UTRN: variants seen among roughly 807,000 people sequenced by gnomAD.
The protein encoded by UTRN is utrophin.
A neutral mutation model predicts 463.9 loss-of-function variants in UTRN; 283 were observed. That is an observed-to-expected ratio of 0.61 (90% CI 0.55 to 0.67). The LOEUF is 0.67. UTRN is among the 30% of genes least tolerant of loss of function. UTRN has a pLI of 0.00. For missense variants in UTRN, 3,922 were observed against 4,084.3 expected, an observed-to-expected ratio of 0.96 and a Z score of 1.08; for synonymous variants, 1,442 against 1,431.5, an observed-to-expected ratio of 1.01 and a Z score of -0.17.
intron 17 of UTRN, 93 bp downstream of exon 17, chr6:144,448,862 C>A: frequency 1.5e-6 from 2 of 1,324,106 alleles, no homozygotes; most frequent in Non-Finnish European, 2.1e-6. Flanking sequence ...TAATCATAGG[C>A]AAATCTAGAC....
chr6:144,405,522 T>G (rs1783316838), intron 3 of UTRN, among the ~76,000 whole-genome samples: 1 of 152,180 alleles, frequency 6.6e-6, no homozygotes, highest in South Asian at 2.1e-4. Flanking sequence ...GAACGAATTT[T>G]TTTTTTCATT....
At chr6:144,706,745 A>G (rs1292848484) in intron 53 of UTRN, 1 of 152,230 alleles carries the variant, frequency 6.6e-6, no homozygotes, top group Non-Finnish European at 1.5e-5. Context: ...ATCCCACTGT[A>G]TATCTGGGAT....
intron 2 of UTRN, among the ~76,000 whole-genome samples, chr6:144,349,715 G>A (rs938574087): frequency 2.6e-5 from 4 of 152,048 alleles, no homozygotes; most frequent in Non-Finnish European, 4.4e-5. Context: ...TACTTGAAAG[G>A]CATGCTCATG....
At chr6:144,608,828 G>A (rs1474285985) in intron 51 of UTRN, among the ~76,000 whole-genome samples, 1 of 152,164 alleles carries the variant, frequency 6.6e-6, no homozygotes, top group African/African-American at 2.4e-5. Context: ...TTTGAGAAGA[G>A]TAATTTCATC....
At chr6:144,522,278 C>G in intron 40 of UTRN, 107 bp downstream of exon 40, 1 of 871,426 alleles carries the variant, frequency 1.1e-6, no homozygotes, top group Non-Finnish European at 1.6e-6. Flanking sequence ...ACAATTTGTG[C>G]CAGGGGATTA....
intron 3 of UTRN, among the ~76,000 whole-genome samples, chr6:144,404,249 A>G (rs1783184654): frequency 6.6e-6 from 1 of 152,348 alleles, no homozygotes; most frequent in African/African-American, 2.4e-5. Context: ...AGGGTTAAAA[A>G]TACAGAGAAT....
intron 58 of UTRN, among the ~76,000 whole-genome samples, chr6:144,770,385 G>A (rs958615458): frequency 6.6e-6 from 1 of 152,022 alleles, no homozygotes; most frequent in African/African-American, 2.4e-5. Context: ...ATATTACATA[G>A]GCTTGAAAAA....
intron 3 of UTRN, among the ~76,000 whole-genome samples, chr6:144,415,205 A>G (rs1784264839): frequency 6.6e-6 from 1 of 152,050 alleles, no homozygotes. Flanking sequence ...GTGTAAATAT[A>G]CTCTATGATG....
At chr6:144,700,350 T>TC (rs368779843) in intron 53 of UTRN, 107 bp downstream of exon 53, 37,962 of 1,222,352 alleles carry the variant, frequency 0.031, 547 homozygotes, top group African/African-American at 0.1. Flanking sequence ...ATCACAGGAT[T>TC]CCCCCCCCCA....
chr6:144,834,362 G>A (rs1043344287), intron 69 of UTRN, among the ~76,000 whole-genome samples: 1 of 152,136 alleles, frequency 6.6e-6, no homozygotes, highest in African/African-American at 2.4e-5. Flanking sequence ...GTTTATTGAT[G>A]AAGAAAGCAA....
intron 60 of UTRN, among the ~76,000 whole-genome samples, chr6:144,777,747 C>T (rs1351361371): frequency 6.6e-6 from 1 of 152,080 alleles, no homozygotes; most frequent in East Asian, 1.9e-4. Flanking sequence ...GATTAGTGGG[C>T]ATATGAGCCA....
At chr6:144,530,914 T>G in intron 41 of UTRN, 138 bp from the exon 42 acceptor site, 1 of 985,990 alleles carries the variant, frequency 1.0e-6, no homozygotes, top group Non-Finnish European at 1.5e-6. Context: ...AAATTGGTTT[T>G]GTGGAGCAAT....
rs144670657 is a variant in UTRN at position 144,364,546 on chromosome 6, C to A, written c.80-38577C>A. On this transcript the variant is annotated intron_variant, in intron 2 of 74. Transcript: ENST00000367545. ...GTTTTTACTTCTGATTTTCTGTTTCCCAATTTGTGATTCACAGGCAGGGAT... is the reference window on the plus strand; with the variant it reads ...GTTTTTACTTCTGATTTTCTGTTTCACAATTTGTGATTCACAGGCAGGGAT... Among the ~76,000 whole-genome samples the A allele has an allele frequency of 2.6e-4, 39 of 152,262 alleles. No homozygotes were observed. In the East Asian group the frequency reaches 7.2e-3, roughly 28 times the overall value.
intron 2 of UTRN, among the ~76,000 whole-genome samples, chr6:144,367,064 A>T (rs375064022): frequency 1.3e-5 from 2 of 151,890 alleles, no homozygotes; most frequent in Non-Finnish European, 2.9e-5. Flanking sequence ...GCTCACTGCA[A>T]CCTCCATCTC....
chr6:144,626,146 A>T (rs1165796148), intron 51 of UTRN, among the ~76,000 whole-genome samples: 1 of 152,204 alleles, frequency 6.6e-6, no homozygotes, highest in African/African-American at 2.4e-5. Flanking sequence ...ATGGGTGTTT[A>T]TTTAAAGAAT....
intron 2 of UTRN, among the ~76,000 whole-genome samples, chr6:144,319,240 A>T (rs1775477297): frequency 6.6e-6 from 1 of 152,148 alleles, no homozygotes; most frequent in South Asian, 2.1e-4. Flanking sequence ...CTGTCTGCCA[A>T]TCAGGCTGTT....
chr6:144,793,329 C>G (rs1000026302), intron 62 of UTRN, among the ~76,000 whole-genome samples: 1 of 151,646 alleles, frequency 6.6e-6, no homozygotes, highest in African/African-American at 2.4e-5. Context: ...AAACTGGTCT[C>G]AAACTCCTGG....
intron 2 of UTRN, among the ~76,000 whole-genome samples, chr6:144,318,268 A>C (rs116273304): frequency 0.011 from 1,713 of 152,188 alleles, 33 homozygotes; most frequent in African/African-American, 0.038. Flanking sequence ...TGCTTAGTTT[A>C]ATTCCTTTAT....
At chr6:144,532,287 A>G (rs1797128280) in intron 42 of UTRN, among the ~76,000 whole-genome samples, 2 of 152,252 alleles carry the variant, frequency 1.3e-5, no homozygotes, top group African/African-American at 4.8e-5. Context: ...CATGCTGCTA[A>G]TAAAGACATA....
Sources: gnomAD v4.1 joint callset for allele counts (sites outside exome capture counted in the v4.1 genomes callset) on GRCh38, gnomAD v4.1.1 for gene constraint, MANE v1.5 for transcripts, NCBI Gene and HGNC (gene_info 2026-07-23, HGNC 2026-07-21) for gene names.